Variants in ASIC2 observed in about 807,000 individuals in gnomAD.
ASIC2 encodes acid-sensing ion channel 2.
Under a neutral mutation model 57.3 loss-of-function variants are expected in ASIC2, and 25 were observed. The ratio of observed to expected loss-of-function variants is 0.44; its 90% CI spans 0.32 to 0.61. The LOEUF (loss-of-function observed/expected upper bound fraction) is 0.61. Among genes scored for constraint, ASIC2 ranks in the 20% least tolerant of loss-of-function variants. The pLI is 0.06. For synonymous variants in ASIC2, 319 were observed against 307.5 expected (o/e 1.04, Z -0.39); for missense variants, 641 against 738.1 (o/e 0.87, Z 1.52).
At chr17:33,301,269 G>A (rs189902614) in intron 1 of ASIC2, among the ~76,000 whole-genome samples, 84 of 151,038 alleles carry the variant, frequency 5.6e-4, no homozygotes, top group African/African-American at 2.0e-3. Flanking sequence ...TTGAACTCCT[G>A]AGTTCAAACA....
At chr17:33,701,539 A>G (rs1201785302) in intron 1 of ASIC2, among the ~76,000 whole-genome samples, 2 of 152,200 alleles carry the variant, frequency 1.3e-5, no homozygotes, top group South Asian at 2.1e-4. Flanking sequence ...GTCTATCTCC[A>G]GCAATAGGCT....
At chr17:33,618,391 T>A (rs1834006095) in intron 1 of ASIC2, among the ~76,000 whole-genome samples, 1 of 152,054 alleles carries the variant, frequency 6.6e-6, no homozygotes, top group South Asian at 2.1e-4. Flanking sequence ...GAAGCCTCCT[T>A]GATGAAGCCA....
At chr17:33,046,256 T>C (rs16591) in intron 3 of ASIC2, among the ~76,000 whole-genome samples, 6,178 of 152,282 alleles carry the variant, frequency 0.041, 452 homozygotes, top group African/African-American at 0.14. Flanking sequence ...ATAAATTGGC[T>C]TCCATTCACT....
At position 33,360,193 on chromosome 17, in the gene ASIC2, A is replaced by G. The variant is rs1567835141; in HGVS notation, c.556-248126T>C. 2.0e-5 allele frequency among the ~76,000 whole-genome samples: 3 copies of G among 152,338 alleles called. 1 individual carries two copies. The South Asian group carries it at 6.2e-4, about 32-fold the overall frequency. On this transcript the variant is annotated intron_variant, in intron 1 of 9. Transcript: ENST00000359872. ...GCCAGCACTTCAAACTTGTGATTTC[A>G]TGGATAAGGCTCATGCTGGTATTTA...
intron 1 of ASIC2, among the ~76,000 whole-genome samples, chr17:33,983,309 G>C (rs191440460): frequency 6.6e-6 from 1 of 152,172 alleles, no homozygotes; most frequent in Non-Finnish European, 1.5e-5. Context: ...TCCTAATTAT[G>C]TCTTGGCAAG....
chr17:33,038,710 T>C (rs3025239), intron 3 of ASIC2, among the ~76,000 whole-genome samples: 4,656 of 152,328 alleles, frequency 0.031, 192 homozygotes, highest in African/African-American at 0.098. Flanking sequence ...TGCTCCACTG[T>C]CTGGAGCTTC....
At chr17:33,481,909 C>A (rs1049213858) in intron 1 of ASIC2, among the ~76,000 whole-genome samples, 1 of 152,214 alleles carries the variant, frequency 6.6e-6, no homozygotes, top group Non-Finnish European at 1.5e-5. Context: ...CCCTTCATAA[C>A]CTCATTTTTG....
rs181893369 is a variant in ASIC2 at position 33,753,326 on chromosome 17, G to A, written c.555+402652C>T. On this transcript the variant is annotated intron_variant, in intron 1 of 9. Coordinates refer to the ASIC2 transcript ENST00000359872. ...GGAAGAAAAGGAGGGAAGAAGGGGT[G>A]AAGCTTGGGGGTGGGAGTCTTTTTG... Among the ~76,000 whole-genome samples the A allele has an allele frequency of 5.8e-3, 878 of 152,216 alleles. 8 individuals carry two copies. The highest frequency in any genetic ancestry group is 9.8e-3 in the Non-Finnish European group (666 of 68,014).
chr17:33,067,762 TAAA>T (rs1027675032), intron 3 of ASIC2, among the ~76,000 whole-genome samples: 7 of 152,006 alleles, frequency 4.6e-5, no homozygotes, highest in African/African-American at 1.7e-4. Context: ...TTTGCAAAGT[TAAA>T]AAAGAAGAGA....
chr17:33,743,472 C>A (rs1198083050), intron 1 of ASIC2, among the ~76,000 whole-genome samples: 1 of 152,192 alleles, frequency 6.6e-6, no homozygotes, highest in Non-Finnish European at 1.5e-5. Flanking sequence ...GCCATTGGCC[C>A]AGGTATGTGT....
intron 1 of ASIC2, among the ~76,000 whole-genome samples, chr17:33,914,543 G>T (rs1915543224): frequency 6.6e-6 from 1 of 152,202 alleles, no homozygotes; most frequent in Non-Finnish European, 1.5e-5. Context: ...AACAGGCTAA[G>T]GGGTAGGTGG....
chr17:34,076,170 T>C (rs1380122393), intron 1 of ASIC2, among the ~76,000 whole-genome samples: 1 of 151,944 alleles, frequency 6.6e-6, no homozygotes, highest in Non-Finnish European at 1.5e-5. Flanking sequence ...GCCTGGCTAA[T>C]TTTTTCGTAT....
chr17:33,667,300 G>A (rs1907507865), intron 1 of ASIC2, among the ~76,000 whole-genome samples: 1 of 152,204 alleles, frequency 6.6e-6, no homozygotes, highest in Non-Finnish European at 1.5e-5. Flanking sequence ...CAGTATGGGA[G>A]GGCAGGAGGG....
At chr17:33,036,717 T>C (rs1344572752) in intron 3 of ASIC2, among the ~76,000 whole-genome samples, 1 of 152,184 alleles carries the variant, frequency 6.6e-6, no homozygotes, top group African/African-American at 2.4e-5. Context: ...CTTTCTTTTG[T>C]TTTTCTCTAA....
intron 2 of ASIC2, among the ~76,000 whole-genome samples, chr17:33,104,141 A>G (rs2092225723): frequency 6.6e-6 from 1 of 152,138 alleles, no homozygotes; most frequent in Admixed American, 6.5e-5. Context: ...ATTGGCTGGC[A>G]TCTATTTACG....
chr17:33,134,604 T>G (rs1484987003), intron 1 of ASIC2, among the ~76,000 whole-genome samples: 1 of 152,278 alleles, frequency 6.6e-6, no homozygotes, highest in Admixed American at 6.5e-5. Flanking sequence ...CCCAGCTTGC[T>G]GAAGCTCATC....
chr17:33,709,897 A>G (rs1908973710), intron 1 of ASIC2, among the ~76,000 whole-genome samples: 2 of 152,202 alleles, frequency 1.3e-5, no homozygotes, highest in Non-Finnish European at 2.9e-5. Context: ...GGACATTTCC[A>G]GTGACATGGA....
intron 1 of ASIC2, among the ~76,000 whole-genome samples, chr17:33,919,769 G>C (rs1668904339): frequency 1.3e-5 from 2 of 152,126 alleles, no homozygotes; most frequent in South Asian, 4.1e-4. Flanking sequence ...CACAAATTAT[G>C]CATCCAGCAA....
intron 1 of ASIC2, among the ~76,000 whole-genome samples, chr17:34,021,775 ACT>A (rs1320852509): frequency 6.6e-6 from 1 of 150,752 alleles, no homozygotes; most frequent in East Asian, 1.9e-4. Flanking sequence ...AGAAATTATA[ACT>A]CAACTGACCG....
Sources: gnomAD v4.1 joint callset for allele counts (sites outside exome capture counted in the v4.1 genomes callset) on GRCh38, gnomAD v4.1.1 for gene constraint, MANE v1.5 for transcripts, NCBI Gene and HGNC (gene_info 2026-07-23, HGNC 2026-07-21) for gene names.